CHST9: variants seen among roughly 807,000 people sequenced by gnomAD.
The protein encoded by CHST9 is carbohydrate sulfotransferase 9.
In CHST9, 41 loss-of-function variants were observed where a neutral mutation model predicts 44.4. The observed-to-expected ratio is 0.92, with a 90% CI of 0.72 to 1.20. The LOEUF is 1.20. Ranked by LOEUF, CHST9 falls within the 50% of genes most tolerant of loss-of-function variation. The pLI, the probability that CHST9 is intolerant of heterozygous loss-of-function variation, is 0.00. For synonymous variants in CHST9, 171 were observed against 178.4 expected (o/e 0.96, Z 0.33); for missense variants, 504 against 516.5 (o/e 0.98, Z 0.23).
chr18:27,014,982 C>T (rs897894969), intron 4 of CHST9, among the ~76,000 whole-genome samples: 1 of 152,042 alleles, frequency 6.6e-6, no homozygotes, highest in South Asian at 2.1e-4. Context: ...ATTCCTTACT[C>T]ATTCATTTCT....
At chr18:27,028,389 G>T (rs1324123087) in intron 3 of CHST9, among the ~76,000 whole-genome samples, 1 of 152,086 alleles carries the variant, frequency 6.6e-6, no homozygotes, top group Non-Finnish European at 1.5e-5. Context: ...CACCACTGAC[G>T]CTTGGTCCAC....
chr18:26,927,131 G>T (rs1031428962), intron 5 of CHST9, among the ~76,000 whole-genome samples: 1 of 152,182 alleles, frequency 6.6e-6, no homozygotes. Context: ...GTATACAGTT[G>T]CTAGACAGAG....
At chr18:27,089,340 AGT>A (rs960862455) in intron 2 of CHST9, among the ~76,000 whole-genome samples, 3 of 144,816 alleles carry the variant, frequency 2.1e-5, no homozygotes, top group African/African-American at 7.8e-5. Context: ...CTTGTGTCCA[AGT>A]GTTCTCATTG....
chr18:27,036,877 G>A (rs2057395472), intron 3 of CHST9, among the ~76,000 whole-genome samples: 1 of 152,166 alleles, frequency 6.6e-6, no homozygotes, highest in Non-Finnish European at 1.5e-5. Context: ...ATGCTGTCCA[G>A]TGGATCTCTA....
intron 3 of CHST9, among the ~76,000 whole-genome samples, chr18:27,036,124 C>A (rs1315278174): frequency 6.6e-6 from 1 of 152,092 alleles, no homozygotes; most frequent in African/African-American, 2.4e-5. Context: ...TGTAACAGTA[C>A]GTATGATATT....
chr18:26,953,067 C>T (rs763734545), intron 4 of CHST9, among the ~76,000 whole-genome samples: 52 of 152,190 alleles, frequency 3.4e-4, no homozygotes, highest in African/African-American at 4.8e-5. Flanking sequence ...TATTATTAGC[C>T]TTTCACTTCT....
At chr18:26,966,307 T>G (rs1388637677) in intron 4 of CHST9, among the ~76,000 whole-genome samples, 4 of 152,234 alleles carry the variant, frequency 2.6e-5, no homozygotes, top group Admixed American at 6.5e-5. Context: ...TAAAGAAATC[T>G]CTTTTAAATT....
rs2055466452 is a variant in CHST9 at position 26,913,249 on chromosome 18, G to A, written c.*3010C>T. ...TAAAAATGACATACAAGTAGTTCTT[G>A]AATTAGAACTACTAATTCCCTAATG... On this transcript the variant is annotated 3_prime_UTR_variant, in exon 6 of 6. Transcript: ENST00000618847. 6.6e-6 allele frequency: 1 copy of A among 152,060 alleles called. No homozygotes were observed. 9.4% of individuals were successfully genotyped at this position (152,060 alleles called of 1,614,324 possible). A position where few individuals can be genotyped will look rare whatever the true frequency, so the allele number is the denominator to read the frequency against.
intron 4 of CHST9, among the ~76,000 whole-genome samples, chr18:26,964,707 C>T (rs1573346): frequency 4.0e-3 from 615 of 152,354 alleles, no homozygotes; most frequent in Middle Eastern, 0.01. Context: ...ACAAATACCA[C>T]CTTCTTCCAT....
chr18:27,181,346 T>C (rs2058910798), intron 1 of CHST9, among the ~76,000 whole-genome samples: 1 of 152,200 alleles, frequency 6.6e-6, no homozygotes, highest in Non-Finnish European at 1.5e-5. Context: ...AAAAACACAA[T>C]AGAAATCTGT....
chr18:26,971,970 A>G (rs1231272986), intron 4 of CHST9, among the ~76,000 whole-genome samples: 1 of 152,178 alleles, frequency 6.6e-6, no homozygotes. Flanking sequence ...TTAGAAGATG[A>G]CAAGTATTAT....
intron 4 of CHST9, among the ~76,000 whole-genome samples, chr18:26,995,737 A>G (rs370488888): frequency 6.6e-6 from 1 of 152,236 alleles, no homozygotes. Context: ...ATAAATTGAG[A>G]TGAAAAACCT....
At chr18:27,097,982 G>A (rs1250584665) in intron 2 of CHST9, among the ~76,000 whole-genome samples, 1 of 151,868 alleles carries the variant, frequency 6.6e-6, no homozygotes, top group Non-Finnish European at 1.5e-5. Context: ...TTTGGTTACT[G>A]TAGCCTTGTA....
intron 1 of CHST9, among the ~76,000 whole-genome samples, chr18:27,150,856 T>C (rs1363169238): frequency 1.3e-5 from 2 of 152,192 alleles, no homozygotes; most frequent in East Asian, 3.9e-4. Flanking sequence ...AAAAACAGTA[T>C]GAAATTTATT....
rs548271137 is a variant in CHST9, at chr18:27,167,080, C to T, written c.-97+18056G>A. Among the ~76,000 whole-genome samples, 5 of 152,338 alleles carry T rather than the reference C, an allele frequency of 3.3e-5. No homozygotes were observed. In the East Asian group the frequency reaches 9.6e-4, roughly 29 times the overall value. ...GTTCTTGATGATAGTAAGAGTGACGCTTTCCTTCTGGTAAAGGGAGGACAT... is the reference window on the plus strand; with the variant it reads ...GTTCTTGATGATAGTAAGAGTGACGTTTTCCTTCTGGTAAAGGGAGGACAT... On this transcript the variant is annotated intron_variant, in intron 1 of 5. Coordinates refer to ENST00000618847, the MANE Select transcript of CHST9 (RefSeq NM_031422.6).
chr18:26,951,736 C>T (rs763372264), intron 4 of CHST9, among the ~76,000 whole-genome samples: 2 of 152,174 alleles, frequency 1.3e-5, no homozygotes, highest in Admixed American at 6.5e-5. Context: ...TTTTAGATCA[C>T]ATTTATAGAT....
chr18:27,028,708 C>T (rs900496099), intron 3 of CHST9, among the ~76,000 whole-genome samples: 2 of 152,000 alleles, frequency 1.3e-5, no homozygotes, highest in African/African-American at 4.8e-5. Context: ...CCACCAGGCC[C>T]GGCTACTTTT....
At chr18:27,049,326 G>T (rs147458168) in intron 2 of CHST9, among the ~76,000 whole-genome samples, 2 of 152,082 alleles carry the variant, frequency 1.3e-5, no homozygotes, top group African/African-American at 4.8e-5. Flanking sequence ...GTGACTTTGG[G>T]TATAGAGATG....
intron 2 of CHST9, among the ~76,000 whole-genome samples, chr18:27,053,247 AAGAAGAAGAAGAAGG>A (rs2057601692): frequency 9.6e-6 from 1 of 103,998 alleles, no homozygotes; most frequent in African/African-American, 3.5e-5. Flanking sequence ...GAAGAAGAAG[AAGAAGAAGAAGAAGG>A]AGAAGGAGAA....
Sources: gnomAD v4.1 joint callset for allele counts (sites outside exome capture counted in the v4.1 genomes callset) on GRCh38, gnomAD v4.1.1 for gene constraint, MANE v1.5 for transcripts, NCBI Gene and HGNC (gene_info 2026-07-23, HGNC 2026-07-21) for gene names.